The following ERI1 variants were observed in gnomAD, a reference collection of about 807,000 sequenced individuals.
ERI1 encodes exoribonuclease 1.
A neutral mutation model predicts 39.7 loss-of-function variants in ERI1; 39 were observed. The observed-to-expected ratio is 0.98, with a 90% confidence interval of 0.76 to 1.28. ERI1 has a LOEUF of 1.28. ERI1 is among the 50% of genes most tolerant of loss of function. The pLI is 0.00. For synonymous variants in ERI1, 204 were observed against 149.6 expected (o/e 1.36, Z -2.65); for missense variants, 581 against 416.9 (o/e 1.39, Z -3.43).
At chr8:9,096,656 C>CAAAGTCCCGTTCTATG (rs1563103552) in intron 3 of ERI1, 2 of 147,844 alleles carry the variant, frequency 1.4e-5, no homozygotes, top group African/African-American at 2.5e-5. Flanking sequence ...CTAAGTGATC[C>CAAAGTCCCGTTCTATG]AAAGTCCCGT....
At chr8:9,069,249 T>C (rs945168270) in intron 3 of ERI1, among the ~76,000 whole-genome samples, 1 of 152,244 alleles carries the variant, frequency 6.6e-6, no homozygotes, top group Admixed American at 6.5e-5. Context: ...AGGAGGATCT[T>C]TTCACTTGAA....
intron 3 of ERI1, among the ~76,000 whole-genome samples, chr8:9,060,992 G>C (rs1234737693): frequency 3.9e-5 from 6 of 152,202 alleles, no homozygotes; most frequent in African/African-American, 1.2e-4. Context: ...GAATATGAAA[G>C]GCATATTTAG....
intron 6 of ERI1, among the ~76,000 whole-genome samples, chr8:9,029,093 G>C (rs1797402170): frequency 6.6e-6 from 1 of 150,778 alleles, no homozygotes; most frequent in African/African-American, 2.4e-5. Context: ...ATCCAAAAAG[G>C]CTAGTCTTTT....
At chr8:9,099,073 G>C (rs1215709105) in intron 3 of ERI1, among the ~76,000 whole-genome samples, 1 of 151,998 alleles carries the variant, frequency 6.6e-6, no homozygotes, top group Non-Finnish European at 1.5e-5. Context: ...GACCTCAAAT[G>C]ATCCACCTGC....
chr8:9,094,259 C>A lies in ERI1; in HGVS notation n.300-22089C>A, dbSNP rs573817670. 8.5e-4 allele frequency among the ~76,000 whole-genome samples: 129 copies of A among 152,326 alleles called. 2 individuals carry two copies. The South Asian group carries it at 0.011, about 13-fold the overall frequency. On this transcript the variant is annotated intron_variant and non_coding_transcript_variant, in intron 3 of 3. Coordinates refer to the ERI1 transcript ENST00000518663. ...ATATGAGCATGAGAATCGTCGTGGA[C>A]TCTCAGGACAAATCCAAGCAACCAG...
intron 3 of ERI1, among the ~76,000 whole-genome samples, chr8:9,079,979 G>C (rs919108701): frequency 7.4e-6 from 1 of 135,968 alleles, no homozygotes; most frequent in African/African-American, 3.0e-5. Flanking sequence ...CCCACAAGCA[G>C]GTTTTTAAAG....
intron 6 of ERI1, among the ~76,000 whole-genome samples, chr8:9,027,079 C>T (rs1231048006): frequency 6.6e-6 from 1 of 151,734 alleles, no homozygotes; most frequent in Non-Finnish European, 1.5e-5. Flanking sequence ...TACATTCCTG[C>T]CAGCAATGCA....
intron 3 of ERI1, among the ~76,000 whole-genome samples, chr8:9,060,156 C>G (rs952327073): frequency 1.3e-5 from 2 of 152,000 alleles, no homozygotes; most frequent in Admixed American, 6.6e-5. Flanking sequence ...CACTGAATAC[C>G]AAGAGCCTGA....
intron 6 of ERI1, among the ~76,000 whole-genome samples, chr8:9,024,077 G>C (rs960764848): frequency 4.6e-5 from 7 of 152,110 alleles, no homozygotes; most frequent in African/African-American, 1.4e-4. Flanking sequence ...TGGAATTATA[G>C]GCATGAGCCA....
At chr8:9,024,732 GT>G (rs1431295712) in intron 6 of ERI1, among the ~76,000 whole-genome samples, 20 of 152,068 alleles carry the variant, frequency 1.3e-4, no homozygotes, top group African/African-American at 4.8e-4. Context: ...GCCTCTTTAT[GT>G]TTTTATAGGC....
intron 3 of ERI1, among the ~76,000 whole-genome samples, chr8:9,085,815 T>C (rs1378912488): frequency 6.6e-6 from 1 of 152,100 alleles, no homozygotes; most frequent in African/African-American, 2.4e-5. Flanking sequence ...GTCCATAAAA[T>C]GGTGGTCTTT....
intron 3 of ERI1, among the ~76,000 whole-genome samples, chr8:9,054,794 G>T (rs1160445253): frequency 6.6e-6 from 1 of 152,172 alleles, no homozygotes; most frequent in African/African-American, 2.4e-5. Context: ...GCGCAGTGGC[G>T]GCAGGCACCT....
intron 3 of ERI1, among the ~76,000 whole-genome samples, chr8:9,014,528 A>G (rs1208209672): frequency 6.6e-6 from 1 of 152,160 alleles, no homozygotes; most frequent in African/African-American, 2.4e-5. Context: ...ACTACCTTTT[A>G]ACTTACCTAA....
chr8:9,077,634 CA>C (rs1476202212), intron 3 of ERI1, among the ~76,000 whole-genome samples: 3 of 152,190 alleles, frequency 2.0e-5, no homozygotes, highest in Non-Finnish European at 2.9e-5. Flanking sequence ...GTGTCTCAGG[CA>C]GCAGACCTCA....
intron 3 of ERI1, among the ~76,000 whole-genome samples, chr8:9,055,045 T>A (rs143903132): frequency 1.6e-4 from 25 of 152,322 alleles, no homozygotes; most frequent in African/African-American, 6.0e-4. Context: ...CAGAGTTTAA[T>A]TGAGTAAACA....
At chr8:9,076,302 C>A (rs1421518003) in intron 3 of ERI1, among the ~76,000 whole-genome samples, 1 of 152,136 alleles carries the variant, frequency 6.6e-6, no homozygotes, top group Non-Finnish European at 1.5e-5. Context: ...CAGTTTTGTC[C>A]CCTAAAACTA....
At chr8:9,020,616 A>T (rs1817781350) in intron 6 of ERI1, 152 bp downstream of exon 6, 2 of 562,584 alleles carry the variant, frequency 3.6e-6, no homozygotes, top group African/African-American at 3.8e-5. Context: ...CCTTATGTTC[A>T]AATTAGATAA....
chr8:9,039,323 T>C (rs1421136301), intron 3 of ERI1, among the ~76,000 whole-genome samples: 3 of 152,204 alleles, frequency 2.0e-5, no homozygotes, highest in African/African-American at 7.2e-5. Context: ...GATTTAGTCA[T>C]TCATTTCATG....
chr8:9,088,257 C>A (rs933678662), intron 3 of ERI1, among the ~76,000 whole-genome samples: 4 of 150,798 alleles, frequency 2.7e-5, no homozygotes, highest in Non-Finnish European at 4.4e-5. Flanking sequence ...GTGTCTGAGC[C>A]TCTGTAAATT....
Sources: gnomAD v4.1 joint callset for allele counts (sites outside exome capture counted in the v4.1 genomes callset) on GRCh38, gnomAD v4.1.1 for gene constraint, MANE v1.5 for transcripts, NCBI Gene and HGNC (gene_info 2026-07-23, HGNC 2026-07-21) for gene names.